SSX7: variants seen among roughly 807,000 people sequenced by gnomAD.
SSX7 encodes protein SSX7.
In SSX7, 15 loss-of-function variants were observed where a neutral mutation model predicts 14.7. The observed-to-expected ratio is 1.02, with a 90% CI of 0.68 to 1.58. The LOEUF (loss-of-function observed/expected upper bound fraction) is 1.58, where lower values mean the gene tolerates loss of function less well. Ranked by LOEUF, SSX7 falls within the 40% of genes most tolerant of loss-of-function variation. The pLI is 0.00. For missense variants in SSX7, 178 were observed against 146.8 expected, an observed-to-expected ratio of 1.21 and a Z score of -1.10; for synonymous variants, 46 against 50.6, an observed-to-expected ratio of 0.91 and a Z score of 0.38.
chrX:52,645,403 G>T (rs1269090172), intron 7 of SSX7, 36 bp downstream of exon 7: 2 of 1,205,715 alleles, frequency 1.7e-6, no homozygotes, highest in African/African-American at 3.5e-5. Context: ...TACCACATCT[G>T]CAGGGATGTG....
rs1925214704 is a variant in SSX7 at position 52,645,524 on chromosome X, A to G, written c.486T>C (p.His162=). 2 of 1,198,548 alleles carry G rather than the reference A, an allele frequency of 1.7e-6. No homozygotes were observed. The highest frequency in any genetic ancestry group is 1.8e-5 in the African/African-American group (1 of 55,546). ...TCTCACGCAGTCTGTGGGTCCAGGC[A>G]TGTTTCCCCCTTTTGGGTCCTGTGA... ...NKTSGPKRGK[H]AWTHRLRERK... Residue 162 remains histidine (H), a synonymous_variant, in exon 7 of 8, where the codon CAT becomes CAC. Coordinates refer to ENST00000298181, the MANE Select transcript of SSX7 (RefSeq NM_173358.2).
rs1556766569 is a variant in SSX7, at chrX:52,648,246, A to G, written c.466+15T>C. 1 of 1,206,447 alleles carries G rather than the reference A, an allele frequency of 8.3e-7. No individual in the cohort carries two copies. Among genetic ancestry groups the G allele is most frequent in the South Asian group, 1.8e-5 (1 of 55,709 alleles). ...CGGAAGCCAGAGGGTTTGTTCCCGA[A>G]TTCTTTCCTCTTACCGGATGTCTTG... On this transcript the variant is annotated intron_variant, in intron 6 of 7. Transcript: ENST00000298181.
In SSX7 at chrX:52,645,409, A is replaced by T. The variant is rs782291139; in HGVS notation, c.*4+30T>A. On this transcript the variant is annotated intron_variant, in intron 7 of 7. Coordinates refer to ENST00000298181, the MANE Select transcript of SSX7 (RefSeq NM_173358.2). ...ATAACAGAATACCACATCTGCAGGG[A>T]TGTGGGGGATGAGCCGAAGGTTCAC... 3.2e-5 allele frequency: 39 copies of T among 1,205,181 alleles called. No individual in the cohort carries two copies. In the East Asian group the frequency reaches 1.1e-3, roughly 35 times the overall value.
chrX:52,652,305 GC>G lies in SSX7; in HGVS notation c.226del (p.Ala76ProfsTer24). On this transcript the variant is annotated frameshift_variant, in exon 4 of 8. Coordinates refer to ENST00000298181, the MANE Select transcript of SSX7 (RefSeq NM_173358.2). LOFTEE classifies it high-confidence loss of function. Reference sequence around the variant, plus strand: ...AAAATCATTCCCCTGGAGGTCTGTGGCCCCTGTATTATGCATGAAAGGTGGG... The same window carrying G: ...AAAATCATTCCCCTGGAGGTCTGTGGCCCTGTATTATGCATGAAAGGTGGG... ...TLPPFMHNTG[A>X]TDLQGNDFDN... 8.3e-7 allele frequency: 1 copy of G among 1,209,143 alleles called. No homozygotes were observed. Among genetic ancestry groups the G allele is most frequent in the Non-Finnish European group, 1.1e-6 (1 of 894,212 alleles).
chrX:52,648,803 G>C (rs1370778565), intron 5 of SSX7, among the ~76,000 whole-genome samples: 2 of 111,639 alleles, frequency 1.8e-5, no homozygotes, highest in Non-Finnish European at 1.9e-5. Flanking sequence ...AACATAGAGA[G>C]GGGACAAAAC....
intron 1 of SSX7, among the ~76,000 whole-genome samples, chrX:52,654,188 G>A (rs1925526949): frequency 9.2e-6 from 1 of 109,109 alleles, no homozygotes; most frequent in Admixed American, 1.0e-4. Context: ...GATCGCTTGA[G>A]CCCATGAGCT....
At chrX:52,649,240 A>C (rs1213334046) in intron 5 of SSX7, among the ~76,000 whole-genome samples, 1 of 111,205 alleles carries the variant, frequency 9.0e-6, no homozygotes, top group Non-Finnish European at 1.9e-5. Flanking sequence ...CATGTTGGGC[A>C]GGATGGTCTT....
At chrX:52,654,709 C>G (rs1556767552) in intron 1 of SSX7, 53 bp downstream of exon 1, 1 of 111,018 alleles carries the variant, frequency 9.0e-6, no homozygotes, top group Non-Finnish European at 1.9e-5. Context: ...AAAATCAGCG[C>G]ATGCTTACTC....
chrX:52,644,938 T>C (rs1171102302), intron 7 of SSX7, among the ~76,000 whole-genome samples: 1 of 110,457 alleles, frequency 9.1e-6, no homozygotes, highest in Non-Finnish European at 1.9e-5. Context: ...GCATCCTGGG[T>C]AGGGAGCATT....
chrX:52,651,067 G>A (rs1477094193), intron 4 of SSX7, among the ~76,000 whole-genome samples: 2 of 111,857 alleles, frequency 1.8e-5, no homozygotes, highest in Non-Finnish European at 3.8e-5. Flanking sequence ...TTCCCAAAAC[G>A]TACAAAGATC....
intron 3 of SSX7, 78 bp from the exon 4 acceptor site, chrX:52,652,425 G>T: frequency 1.4e-6 from 1 of 728,616 alleles, no homozygotes; most frequent in Non-Finnish European, 2.2e-6. Context: ...TAGTACCAGT[G>T]CTTTGGGAGG....
chrX:52,653,314 C>T (rs1925501099), intron 2 of SSX7, 90 bp downstream of exon 2: 1 of 1,208,789 alleles, frequency 8.3e-7, no homozygotes. Context: ...TGGTCCTTGT[C>T]TCCAGTATCT....
intron 6 of SSX7, among the ~76,000 whole-genome samples, 175 bp from the exon 7 acceptor site, chrX:52,645,718 G>C (rs1556766281): frequency 1.8e-5 from 2 of 110,634 alleles, no homozygotes; most frequent in African/African-American, 6.6e-5. Flanking sequence ...CACCAATACA[G>C]GCCAAATGCC....
chrX:52,652,396 T>C (rs5986185), intron 3 of SSX7, 49 bp from the exon 4 acceptor site: 25,731 of 932,793 alleles, frequency 0.028, 283 homozygotes, highest in Middle Eastern at 0.072. Context: ...CTTTGACCTG[T>C]CACGGTGGCT....
intron 5 of SSX7, among the ~76,000 whole-genome samples, chrX:52,649,556 A>T (rs1187169285): frequency 9.0e-6 from 1 of 111,695 alleles, no homozygotes; most frequent in Non-Finnish European, 1.9e-5. Context: ...TTGTGGGGTC[A>T]CTCATTCAGG....
At chrX:52,650,115 AT>A (rs201672027) in intron 5 of SSX7, among the ~76,000 whole-genome samples, 2,267 of 112,339 alleles carry the variant, frequency 0.02, 30 homozygotes, top group Middle Eastern at 0.087. Flanking sequence ...TAAGGATTAA[AT>A]ACATTAATCC....
chrX:52,647,314 G>A, intron 6 of SSX7, among the ~76,000 whole-genome samples: 1 of 112,608 alleles, frequency 8.9e-6, no homozygotes, highest in East Asian at 2.8e-4. Context: ...ATCTAGCTAA[G>A]ATCACTGTTG....
At chrX:52,651,570 C>G (rs1191326042) in intron 4 of SSX7, among the ~76,000 whole-genome samples, 4 of 111,396 alleles carry the variant, frequency 3.6e-5, no homozygotes, top group Admixed American at 2.9e-4. Flanking sequence ...TATTTATTCA[C>G]AATATTAGAA....
intron 7 of SSX7, among the ~76,000 whole-genome samples, chrX:52,645,127 C>A (rs1427825813): frequency 9.0e-6 from 1 of 110,689 alleles, no homozygotes; most frequent in Admixed American, 9.6e-5. Context: ...AAAAATTACC[C>A]GGGCGTGGTG....
Sources: allele counts gnomAD v4.1 joint callset (sites outside exome capture counted in the v4.1 genomes callset), GRCh38; gene constraint gnomAD v4.1.1; transcripts MANE v1.5; gene names NCBI Gene and HGNC (gene_info 2026-07-23, HGNC 2026-07-21).